The following VPS41 variants were observed in gnomAD, a reference collection of about 807,000 sequenced individuals.
VPS41 encodes the protein VPS41 subunit of HOPS complex, also known as vacuolar protein sorting-associated protein 41 homolog.
VPS41 carries 85 observed loss-of-function variants against 130.9 expected under a neutral mutation model. The observed-to-expected ratio is 0.65, with a 90% CI of 0.55 to 0.78. VPS41 has a LOEUF of 0.78. Ranked by LOEUF, VPS41 falls within the 30% of genes least tolerant of loss-of-function variation. The pLI is 0.00. For missense variants in VPS41, 874 were observed against 1,018.7 expected (o/e 0.86, Z 1.93); for synonymous variants, 335 against 332.9 (o/e 1.01, Z -0.07).
intron 7 of VPS41, among the ~76,000 whole-genome samples, chr7:38,811,561 A>G (rs973647870): frequency 6.6e-6 from 1 of 151,772 alleles, no homozygotes; most frequent in African/African-American, 2.4e-5. Context: ...TAAATCACAA[A>G]CTATTATCAC....
chr7:38,782,638 T>G (rs1451290464), intron 10 of VPS41, among the ~76,000 whole-genome samples: 1 of 152,208 alleles, frequency 6.6e-6, no homozygotes, highest in South Asian at 2.1e-4. Flanking sequence ...ACATCAACCT[T>G]ACATTGCCCA....
At chr7:38,742,169 G>A (rs1361069455) in intron 24 of VPS41, 48 bp from the exon 25 acceptor site, 2 of 1,513,890 alleles carry the variant, frequency 1.3e-6, no homozygotes, top group Admixed American at 2.3e-5. Flanking sequence ...ACATTATAAT[G>A]CAATTTTATT....
rs187073287 is a variant in VPS41 at position 38,753,791 on chromosome 7, A to C, written c.1788+911T>G. 1.3e-3 allele frequency among the ~76,000 whole-genome samples: 201 copies of C among 152,288 alleles called. 1 individual carries two copies. The highest frequency in any genetic ancestry group is 2.1e-3 in the Non-Finnish European group (140 of 68,014). ...ATCTTGAGATTTCCAATCATGAACA[A>C]TGCAGCAGTAGCATCTGAGCAAAAG... On this transcript the variant is annotated intron_variant, in intron 21 of 28. Transcript: ENST00000310301.
chr7:38,805,128 TC>T (rs1301418716), intron 7 of VPS41, among the ~76,000 whole-genome samples: 1 of 152,238 alleles, frequency 6.6e-6, no homozygotes, highest in Non-Finnish European at 1.5e-5. Flanking sequence ...CTGGTGAAAA[TC>T]CTTGCACAGT....
intron 10 of VPS41, among the ~76,000 whole-genome samples, chr7:38,788,837 A>G (rs920080358): frequency 2.0e-5 from 3 of 152,228 alleles, no homozygotes; most frequent in Non-Finnish European, 4.4e-5. Context: ...AGTACAAAAT[A>G]GCCCAGATTT....
intron 4 of VPS41, among the ~76,000 whole-genome samples, chr7:38,853,661 T>C (rs1470508822): frequency 3.9e-5 from 6 of 152,264 alleles, no homozygotes; most frequent in Non-Finnish European, 8.8e-5. Flanking sequence ...GAGAGTACCC[T>C]GTACTGAAGA....
chr7:38,778,970 C>T (rs1354973632), intron 10 of VPS41, among the ~76,000 whole-genome samples: 2 of 152,162 alleles, frequency 1.3e-5, no homozygotes, highest in East Asian at 3.9e-4. Flanking sequence ...ACTCCCCAGT[C>T]CACAATAGCT....
chr7:38,831,237 C>G (rs1231871529), intron 4 of VPS41: 1 of 471,068 alleles, frequency 2.1e-6, no homozygotes, highest in Non-Finnish European at 4.4e-6. Context: ...ATTTCTTTGG[C>G]ATCTGGTTGT....
At chr7:38,883,582 T>TA (rs1234810835) in intron 2 of VPS41, among the ~76,000 whole-genome samples, 3 of 152,236 alleles carry the variant, frequency 2.0e-5, no homozygotes, top group African/African-American at 7.2e-5. Context: ...TTTTTTTGTT[T>TA]ACTGTCTCCC....
At chr7:38,837,978 C>G (rs76576727) in intron 4 of VPS41, among the ~76,000 whole-genome samples, 1 of 152,136 alleles carries the variant, frequency 6.6e-6, no homozygotes, top group Admixed American at 6.5e-5. Context: ...ATATTTAAAA[C>G]CATGATTGCA....
At chr7:38,855,797 G>A (rs1355049923) in intron 4 of VPS41, among the ~76,000 whole-genome samples, 1 of 152,148 alleles carries the variant, frequency 6.6e-6, no homozygotes, top group African/African-American at 2.4e-5. Flanking sequence ...ATAGCAACTA[G>A]AAAATGTATG....
intron 1 of VPS41, among the ~76,000 whole-genome samples, chr7:38,908,557 C>T (rs1787319172): frequency 6.6e-6 from 1 of 152,090 alleles, no homozygotes; most frequent in Non-Finnish European, 1.5e-5. Context: ...CCTCTGAGGA[C>T]GGCCTTATTA....
chr7:38,810,045 T>C (rs1212480201), intron 7 of VPS41, among the ~76,000 whole-genome samples: 1 of 152,112 alleles, frequency 6.6e-6, no homozygotes, highest in East Asian at 1.9e-4. Flanking sequence ...AAAAAATTCA[T>C]TGGTTCACGT....
chr7:38,794,001 TAGGA>T (rs1784577774), intron 9 of VPS41, among the ~76,000 whole-genome samples: 1 of 152,318 alleles, frequency 6.6e-6, no homozygotes, highest in African/African-American at 2.4e-5. Context: ...TTATAGGTTC[TAGGA>T]ATTAGGGCTT....
At chr7:38,853,960 T>C (rs1038307365) in intron 4 of VPS41, among the ~76,000 whole-genome samples, 2 of 152,240 alleles carry the variant, frequency 1.3e-5, no homozygotes, top group African/African-American at 4.8e-5. Context: ...CTTTGGTGCG[T>C]AGAAGCCATC....
At chr7:38,740,098 C>T (rs981401969) in intron 25 of VPS41, among the ~76,000 whole-genome samples, 2 of 152,050 alleles carry the variant, frequency 1.3e-5, no homozygotes, top group African/African-American at 2.4e-5. Context: ...CGGAGGCTGG[C>T]GAAAAAGAAA....
chr7:38,854,745 G>A (rs1342399113), intron 4 of VPS41, among the ~76,000 whole-genome samples: 1 of 152,018 alleles, frequency 6.6e-6, no homozygotes, highest in East Asian at 1.9e-4. Context: ...CACTGATGAT[G>A]CAGAGATAAA....
intron 2 of VPS41, among the ~76,000 whole-genome samples, chr7:38,876,149 A>G (rs1786486921): frequency 6.6e-6 from 1 of 152,194 alleles, no homozygotes; most frequent in African/African-American, 2.4e-5. Context: ...ATTATGCTAA[A>G]CAATTTACAA....
rs370496765 is a variant in VPS41 at position 38,726,767 on chromosome 7, ATT to A, written c.2484+140_2484+141del. 7.0e-4 allele frequency: 452 copies of A among 641,980 alleles called. 4 individuals carry two copies. In the African/African-American group the frequency reaches 7.9e-3, roughly 11 times the overall value. 39.8% of individuals were successfully genotyped at this position (641,980 alleles called of 1,614,324 possible). A position where few individuals can be genotyped will look rare whatever the true frequency, so the allele number is the denominator to read the frequency against. ...ATTTTTACATTTGAAAACTAGATTA[ATT>A]TTTGTTATGTGATATAAATCCACAT... is the stretch of plus-strand genomic sequence containing the variant. On this transcript the variant is annotated intron_variant, in intron 28 of 28. Coordinates refer to ENST00000310301, the MANE Select transcript of VPS41 (RefSeq NM_014396.4).
Sources: allele counts gnomAD v4.1 joint callset (sites outside exome capture counted in the v4.1 genomes callset), GRCh38; gene constraint gnomAD v4.1.1; transcripts MANE v1.5; gene names NCBI Gene and HGNC (gene_info 2026-07-23, HGNC 2026-07-21).